ZNF680: variants seen among roughly 807,000 people sequenced by gnomAD.
ZNF680 encodes hypothetical protein FLJ90430.
In ZNF680, 6 loss-of-function variants were observed where a neutral mutation model predicts 12.1. The ratio of observed to expected loss-of-function variants is 0.49; its 90% CI spans 0.27 to 0.98. The LOEUF (loss-of-function observed/expected upper bound fraction) is 0.98. Among genes scored for constraint, ZNF680 ranks in the 50% least tolerant of loss-of-function variants. The pLI, the probability that ZNF680 is intolerant of heterozygous loss-of-function variation, is 0.12. For synonymous variants in ZNF680, 170 were observed against 199.3 expected (o/e 0.85, Z 1.24); for missense variants, 561 against 616.3 (o/e 0.91, Z 0.95).
intron 3 of ZNF680, among the ~76,000 whole-genome samples, chr7:64,542,074 T>C (rs1192003806): frequency 6.6e-6 from 1 of 152,102 alleles, no homozygotes; most frequent in Admixed American, 6.6e-5. Context: ...CAGAAAAATA[T>C]TTAGTCTGTT....
In ZNF680 at chr7:64,521,328, T is replaced by A; in HGVS notation, c.1426A>T (p.Thr476Ser). Residue 476 changes from threonine (T) to serine (S), a missense_variant, in exon 4 of 4, where the codon ACT becomes TCT. Coordinates refer to ENST00000309683, the MANE Select transcript of ZNF680 (RefSeq NM_178558.5). The part of the protein sequence containing the change: ...ECGNVFNWPA[T>S]LANHKRIHAR... ...TGAATTCTCTTATGATTAGCAAGAG[T>A]TGCAGGCCAGTTAAAAACATTGCCA... 6.2e-7 allele frequency: 1 copy of A among 1,613,454 alleles called. No homozygotes were observed. The highest frequency in any genetic ancestry group is 8.5e-7 in the Non-Finnish European group (1 of 1,179,620).
At chr7:64,501,993 A>ATTTT in the ZNF680 span, among the ~76,000 whole-genome samples, 3 of 96,330 alleles carry the variant, frequency 3.1e-5, no homozygotes, top group African/African-American at 1.4e-4. Flanking sequence ...AAAAGGACGT[A>ATTTT]TTTCTTTTTT....
At chr7:64,554,606 G>T (rs1787302277) in intron 1 of ZNF680, among the ~76,000 whole-genome samples, 2 of 152,166 alleles carry the variant, frequency 1.3e-5, no homozygotes, top group Admixed American at 1.3e-4. Flanking sequence ...TGTGTGGAAA[G>T]AAGTGGACAT....
the ZNF680 span, among the ~76,000 whole-genome samples, chr7:64,507,577 C>A: frequency 6.6e-6 from 1 of 151,018 alleles, no homozygotes; most frequent in South Asian, 2.1e-4. Context: ...CAATGGCTCA[C>A]CGCAACCTCT....
chr7:64,534,022 G>A (rs1211912042), intron 3 of ZNF680, among the ~76,000 whole-genome samples: 1 of 152,146 alleles, frequency 6.6e-6, no homozygotes, highest in Non-Finnish European at 1.5e-5. Flanking sequence ...ACTCAAGATA[G>A]ATTAAGGACT....
At chr7:64,536,307 T>C (rs1786165411) in intron 3 of ZNF680, among the ~76,000 whole-genome samples, 2 of 152,182 alleles carry the variant, frequency 1.3e-5, no homozygotes, top group Admixed American at 6.5e-5. Flanking sequence ...AAGAAACATG[T>C]TTATTTGGCT....
intron 1 of ZNF680, among the ~76,000 whole-genome samples, chr7:64,556,778 A>G (rs1787436277): frequency 1.3e-5 from 2 of 152,246 alleles, no homozygotes; most frequent in Non-Finnish European, 2.9e-5. Context: ...TGCCAAAAGC[A>G]ATTGCAACAA....
chr7:64,555,449 T>C (rs1787357953), intron 1 of ZNF680, among the ~76,000 whole-genome samples: 2 of 151,528 alleles, frequency 1.3e-5, no homozygotes, highest in South Asian at 4.2e-4. Context: ...ATCAAGTTCA[T>C]TGCAAAAAAT....
intron 1 of ZNF680, among the ~76,000 whole-genome samples, chr7:64,562,084 T>C (rs1378844022): frequency 6.7e-6 from 1 of 150,080 alleles, no homozygotes; most frequent in African/African-American, 2.5e-5. Flanking sequence ...ATACAAAAAT[T>C]AGCCGGGCAT....
chr7:64,508,147 A>ATATATATATAT, the ZNF680 span, among the ~76,000 whole-genome samples: 37 of 135,254 alleles, frequency 2.7e-4, no homozygotes, highest in African/African-American at 9.8e-4. Context: ...ATATATACAT[A>ATATATATATAT]ATTTTTTTTT....
At chr7:64,519,133 T>C (rs1791415219), downstream of ZNF680, among the ~76,000 whole-genome samples, 1 of 151,768 alleles carries the variant, frequency 6.6e-6, no homozygotes, top group South Asian at 2.1e-4. Flanking sequence ...AAAACTCATA[T>C]AAACCAGCAA....
intron 3 of ZNF680, among the ~76,000 whole-genome samples, chr7:64,523,623 G>C (rs1023164166): frequency 6.6e-6 from 1 of 152,012 alleles, no homozygotes; most frequent in African/African-American, 2.4e-5. Context: ...TTTATTAAAA[G>C]AATTTTAAGG....
chr7:64,515,840 T>C (rs905344614), downstream of ZNF680, among the ~76,000 whole-genome samples: 2 of 152,146 alleles, frequency 1.3e-5, no homozygotes, highest in African/African-American at 4.8e-5. Flanking sequence ...ATTTAAACTA[T>C]ACAGCGGCTC....
chr7:64,499,430 C>T, the ZNF680 span, among the ~76,000 whole-genome samples: 1 of 152,174 alleles, frequency 6.6e-6, no homozygotes, highest in Non-Finnish European at 1.5e-5. Flanking sequence ...CTTCTAATTA[C>T]AAGCATCCAG....
chr7:64,552,789 C>T (rs73130779), intron 1 of ZNF680, among the ~76,000 whole-genome samples: 34,326 of 152,008 alleles, frequency 0.23, 4,061 homozygotes, highest in South Asian at 0.29. Context: ...AAGTAAATGT[C>T]GTGGCCTTAT....
At chr7:64,511,779 C>T in the ZNF680 span, among the ~76,000 whole-genome samples, 3 of 152,116 alleles carry the variant, frequency 2.0e-5, no homozygotes, top group Non-Finnish European at 4.4e-5. Context: ...GCATTATTGG[C>T]TAGGCACAGC....
At chr7:64,502,318 C>T in the ZNF680 span, among the ~76,000 whole-genome samples, 8 of 151,958 alleles carry the variant, frequency 5.3e-5, no homozygotes, top group South Asian at 2.1e-4. Flanking sequence ...GCCGGATTTA[C>T]GGTTTTTATC....
At chr7:64,502,148 C>T in the ZNF680 span, among the ~76,000 whole-genome samples, 7 of 151,736 alleles carry the variant, frequency 4.6e-5, no homozygotes, top group Middle Eastern at 3.4e-3. Flanking sequence ...GGATTGCAGG[C>T]GCGTGCTACC....
At chr7:64,545,031 G>A (rs912511495) in intron 1 of ZNF680, among the ~76,000 whole-genome samples, 3 of 152,092 alleles carry the variant, frequency 2.0e-5, no homozygotes, top group Non-Finnish European at 4.4e-5. Context: ...GGCCGAGGCA[G>A]GCGGATCACC....
Sources: gnomAD v4.1 joint callset for allele counts (sites outside exome capture counted in the v4.1 genomes callset) on GRCh38, gnomAD v4.1.1 for gene constraint, MANE v1.5 for transcripts, NCBI Gene and HGNC (gene_info 2026-07-23, HGNC 2026-07-21) for gene names.